PCDHA6: variants seen among roughly 807,000 people sequenced by gnomAD.
PCDHA6 encodes the protein protocadherin alpha 6.
In PCDHA6, 55 loss-of-function variants were observed where a neutral mutation model predicts 60.3. The observed-to-expected ratio is 0.91, with a 90% CI of 0.73 to 1.14. The LOEUF (loss-of-function observed/expected upper bound fraction) is 1.14. Ranked by LOEUF, PCDHA6 falls within the 50% of genes most tolerant of loss-of-function variation. The pLI is 0.00. For missense variants in PCDHA6, 1,327 were observed against 1,256.5 expected, an observed-to-expected ratio of 1.06 and a Z score of -0.85; for synonymous variants, 652 against 557.9, an observed-to-expected ratio of 1.17 and a Z score of -2.38.
At chr5:140,982,691 C>G in intron 3 of PCDHA6, 128 bp downstream of exon 3, 1 of 1,408,152 alleles carries the variant, frequency 7.1e-7, no homozygotes, top group Non-Finnish European at 9.3e-7. Flanking sequence ...TTTTTCCATA[C>G]ATACATGATT....
intron 1 of PCDHA6, among the ~76,000 whole-genome samples, chr5:140,913,872 G>A (rs2076493472): frequency 6.6e-6 from 1 of 151,980 alleles, no homozygotes; most frequent in Non-Finnish European, 1.5e-5. Flanking sequence ...TAATTTCCAT[G>A]TGTTCATGTA....
intron 1 of PCDHA6, chr5:140,849,770 T>A (rs1407416435): frequency 6.3e-7 from 1 of 1,598,458 alleles, no homozygotes; most frequent in East Asian, 2.2e-5. Flanking sequence ...AGCTGGTGGT[T>A]ACCGCGCGGG....
chr5:140,875,928 T>C (rs782425352), intron 1 of PCDHA6: 1 of 1,614,188 alleles, frequency 6.2e-7, no homozygotes, highest in South Asian at 1.1e-5. Flanking sequence ...ACTCTCATTT[T>C]CCTCTAGAGG....
rs149972776 is a variant in PCDHA6, at chr5:140,883,738, C to G, written c.2394+53253C>G. On this transcript the variant is annotated intron_variant, in intron 1 of 3. Transcript: ENST00000529310. The stretch of plus-strand genomic sequence containing the variant: ...CGGACGCACAGGAGAACGCGCTGGT[C>G]TCCTACTCGCTGGTGGAGCGGCGGG... 852 of 1,613,378 alleles carry G rather than the reference C, an allele frequency of 5.3e-4. 5 individuals carry two copies. In the African/African-American group the frequency reaches 9.2e-3, roughly 17 times the overall value.
intron 1 of PCDHA6, among the ~76,000 whole-genome samples, chr5:140,956,241 T>G (rs1396335938): frequency 1.3e-5 from 2 of 152,204 alleles, no homozygotes; most frequent in African/African-American, 4.8e-5. Context: ...TCAAGGGGAA[T>G]GCTTCCAGGT....
At chr5:140,990,130 G>A (rs1448603304) in intron 3 of PCDHA6, among the ~76,000 whole-genome samples, 1 of 152,066 alleles carries the variant, frequency 6.6e-6, no homozygotes, top group Admixed American at 6.6e-5. Flanking sequence ...GTAGAAGTCA[G>A]ACTCAAGAGG....
intron 1 of PCDHA6, among the ~76,000 whole-genome samples, chr5:140,907,411 G>T (rs1053744231): frequency 6.6e-6 from 1 of 152,192 alleles, no homozygotes; most frequent in Non-Finnish European, 1.5e-5. Flanking sequence ...GGAATACCAC[G>T]ATGGTGGATA....
chr5:140,896,465 C>A (rs967658819), intron 1 of PCDHA6, among the ~76,000 whole-genome samples: 2 of 151,988 alleles, frequency 1.3e-5, no homozygotes, highest in Non-Finnish European at 2.9e-5. Flanking sequence ...TGGGTTCAAG[C>A]GGTTCTCCTG....
chr5:140,879,926 A>G (rs1214178444), intron 1 of PCDHA6, among the ~76,000 whole-genome samples: 7 of 152,170 alleles, frequency 4.6e-5, no homozygotes, highest in African/African-American at 1.4e-4. Flanking sequence ...TTACAAAGGT[A>G]CATGTGATTG....
Position 140,968,830 on chromosome 5 carries a change from C to T in PCDHA6, c.2395-10119C>T, listed in dbSNP as rs782771762. On this transcript the variant is annotated intron_variant, in intron 1 of 3. Coordinates refer to ENST00000529310, the MANE Select transcript of PCDHA6 (RefSeq NM_018909.4). The stretch of plus-strand genomic sequence containing the variant: ...TGGTGGATAGGGTTTCCAAAATCCT[C>T]CCTGACACTCAGAGGCATGTTAAGA... 48 of 1,614,080 alleles carry T rather than the reference C, an allele frequency of 3.0e-5. No homozygotes were observed. The Admixed American group carries it at 8.0e-4, about 27-fold the overall frequency.
intron 1 of PCDHA6, 169 bp downstream of exon 1, chr5:140,830,654 A>G (rs1554132964): frequency 4.6e-6 from 2 of 436,460 alleles, no homozygotes; most frequent in East Asian, 4.6e-5. Context: ...TTTAATATTC[A>G]TAATTTAAGT....
Position 140,829,952 on chromosome 5 carries a change from C to G in PCDHA6, c.1861C>G (p.Pro621Ala). 6.2e-7 allele frequency: 1 copy of G among 1,614,008 alleles called. No individual in the cohort carries two copies. Among genetic ancestry groups the G allele is most frequent in the South Asian group, 1.1e-5 (1 of 91,076 alleles). The change falls in exon 1 of 4, where the codon CCG (proline) becomes GCG (alanine). Residue 621 changes from proline to alanine, a missense_variant. By Grantham distance (27) the Pro-to-Ala change is conservative. Transcript: ENST00000529310. Reference sequence around the variant, plus strand: ...GCCCCCGGCAAGCAGCGCTCGCTTCCCGTTTCGCGTGGGGCTGTACACGGG... The same window carrying G: ...GCCCCCGGCAAGCAGCGCTCGCTTCGCGTTTCGCGTGGGGCTGTACACGGG... ...LQPPASSARF[P>A]FRVGLYTGEI...
chr5:140,849,672 G>A, intron 1 of PCDHA6: 1 of 1,598,650 alleles, frequency 6.3e-7, no homozygotes, highest in Non-Finnish European at 8.6e-7. Flanking sequence ...GACGCCCCAC[G>A]TCCCCTTCAA....
At position 140,857,447 on chromosome 5, in the gene PCDHA6, A is replaced by G; in HGVS notation, c.2394+26962A>G. On this transcript the variant is annotated intron_variant, in intron 1 of 3. Transcript: ENST00000529310. ...GTACACGGTGTTCGTGAAGGAGAACAACCCGCCAGGCTGCCACATCTTCAC... is the reference window on the plus strand; with the variant it reads ...GTACACGGTGTTCGTGAAGGAGAACGACCCGCCAGGCTGCCACATCTTCAC... 2 of 1,598,502 alleles carry G rather than the reference A, an allele frequency of 1.3e-6. 1 individual carries two copies. The highest frequency in any genetic ancestry group is 1.7e-6 in the Non-Finnish European group (2 of 1,167,850).
chr5:140,876,204 GC>G, intron 1 of PCDHA6: 1 of 1,613,934 alleles, frequency 6.2e-7, no homozygotes. Context: ...CGTTTGATAA[GC>G]CCAGCTATAA....
At chr5:140,942,996 C>T (rs1294135098) in intron 1 of PCDHA6, among the ~76,000 whole-genome samples, 1 of 151,798 alleles carries the variant, frequency 6.6e-6, no homozygotes, top group South Asian at 2.1e-4. Context: ...GTGGCTCATG[C>T]CTGTAATCCC....
rs35695909 is a variant in PCDHA6, at chr5:140,914,944, C to CTT, written c.2395-63988_2395-63987dup. Among the ~76,000 whole-genome samples the CTT allele has an allele frequency of 2.2e-4, 28 of 128,250 alleles. 1 individual carries two copies. Among genetic ancestry groups the CTT allele is most frequent in the African/African-American group, 3.1e-4 (11 of 35,118 alleles). 84.1% of individuals were successfully genotyped at this position (128,250 alleles called of 152,430 possible). Reference sequence around the variant, plus strand: ...ATTGTACTATGTTGTGAAAAGTTGTCTTTTTTTTTTTTTTTTTTCTGAGTC... The same window carrying CTT: ...ATTGTACTATGTTGTGAAAAGTTGTCTTTTTTTTTTTTTTTTTTTTCTGAGTC... On this transcript the variant is annotated intron_variant, in intron 1 of 3. Transcript: ENST00000529310.
At chr5:140,965,388 C>A (rs2095896527) in intron 1 of PCDHA6, among the ~76,000 whole-genome samples, 1 of 151,982 alleles carries the variant, frequency 6.6e-6, no homozygotes, top group Non-Finnish European at 1.5e-5. Flanking sequence ...CACAGAAGAA[C>A]AGAAGTCTAA....
chr5:140,957,346 G>C (rs1027225386), intron 1 of PCDHA6, among the ~76,000 whole-genome samples: 7 of 152,080 alleles, frequency 4.6e-5, no homozygotes, highest in Non-Finnish European at 8.8e-5. Flanking sequence ...TTTTGAGAGA[G>C]AGACCACATT....
Sources: allele counts gnomAD v4.1 joint callset (sites outside exome capture counted in the v4.1 genomes callset), GRCh38; gene constraint gnomAD v4.1.1; transcripts MANE v1.5; gene names NCBI Gene and HGNC (gene_info 2026-07-23, HGNC 2026-07-21).